CAPN11: variants seen among roughly 807,000 people sequenced by gnomAD.
The protein encoded by CAPN11 is calpain 11, also known as calpain-11.
In CAPN11, 108 loss-of-function variants were observed where a neutral mutation model predicts 105.3. That is an observed-to-expected ratio of 1.03 (90% CI 0.88 to 1.20). The LOEUF (loss-of-function observed/expected upper bound fraction) is 1.20. Ranked by LOEUF, CAPN11 falls within the 50% of genes most tolerant of loss-of-function variation. The pLI, the probability that CAPN11 is intolerant of heterozygous loss-of-function variation, is 0.00. For missense variants in CAPN11, 883 were observed against 924.8 expected, an observed-to-expected ratio of 0.95 and a Z score of 0.59; for synonymous variants, 329 against 344.5, an observed-to-expected ratio of 0.96 and a Z score of 0.50.
rs371708748 is a variant in CAPN11, at chr6:44,172,920, T to C, written c.529-20T>C. 8.1e-6 allele frequency: 13 copies of C among 1,610,924 alleles called. No homozygotes were observed. The highest frequency in any genetic ancestry group is 7.7e-5 in the South Asian group (7 of 90,514). ...GATGATAGGGTTCCCACGCAAGGGG[T>C]GTGTGTTTGCTACCCACAGATTTGG... On this transcript the variant is annotated intron_variant, in intron 5 of 22. Coordinates refer to ENST00000398776, the MANE Select transcript of CAPN11 (RefSeq NM_007058.4).
chr6:44,171,195 C>A (rs922984573), intron 4 of CAPN11, among the ~76,000 whole-genome samples: 1 of 152,214 alleles, frequency 6.6e-6, no homozygotes, highest in Non-Finnish European at 1.5e-5. Flanking sequence ...TCAACCTCAG[C>A]CTGGCGTAGG....
intron 1 of CAPN11, among the ~76,000 whole-genome samples, chr6:44,165,508 T>C (rs1241857720): frequency 6.6e-5 from 10 of 152,070 alleles, no homozygotes; most frequent in Non-Finnish European, 1.5e-4. Context: ...TCGCGGGCTG[T>C]GTGGAGGAGG....
At chr6:44,173,535 A>G (rs985770621) in intron 7 of CAPN11, 149 bp downstream of exon 7, 4 of 590,236 alleles carry the variant, frequency 6.8e-6, no homozygotes, top group East Asian at 5.7e-5. Flanking sequence ...CTCCCCGTCT[A>G]AAGTCGCCGT....
rs1440038669 is a variant in CAPN11, at chr6:44,176,839, A to C, written c.1078A>C (p.Met360Leu). ...GGCTCCACCCCCACCCCACCACAGGATGTCCTACCAAGATTTCCTGAACAA... is the reference window on the plus strand; with the variant it reads ...GGCTCCACCCCCACCCCACCACAGGCTGTCCTACCAAGATTTCCTGAACAA... Reference protein sequence around the residue: ...LHKTEDGEFWMSYQDFLNNFT... With the variant: ...LHKTEDGEFWLSYQDFLNNFT... Residue 360 changes from methionine to leucine, a missense_variant and splice_region_variant, in exon 11 of 23, where the codon ATG becomes CTG. Transcript: ENST00000398776. 4 of 1,613,772 alleles carry C rather than the reference A, an allele frequency of 2.5e-6. No homozygotes were observed. Among genetic ancestry groups the C allele is most frequent in the Non-Finnish European group, 3.4e-6 (4 of 1,179,800 alleles).
chr6:44,180,434 C>T (rs761391868), intron 14 of CAPN11, 26 bp from the exon 15 acceptor site: 1 of 1,612,222 alleles, frequency 6.2e-7, no homozygotes, highest in South Asian at 1.1e-5. Flanking sequence ...CCTGGTAACT[C>T]TTGAGCTTTC....
intron 1 of CAPN11, among the ~76,000 whole-genome samples, chr6:44,165,118 G>T (rs1769578508): frequency 6.6e-6 from 1 of 152,046 alleles, no homozygotes; most frequent in African/African-American, 2.4e-5. Context: ...TGAACTCCTA[G>T]CCTTAAGTGA....
intron 1 of CAPN11, among the ~76,000 whole-genome samples, chr6:44,162,821 C>T (rs1769145843): frequency 6.6e-6 from 1 of 152,116 alleles, no homozygotes; most frequent in Admixed American, 6.5e-5. Context: ...ACTTTGACCC[C>T]TCAGTACCAG....
intron 9 of CAPN11, 60 bp downstream of exon 9, chr6:44,176,398 G>C: frequency 6.8e-7 from 1 of 1,474,294 alleles, no homozygotes; most frequent in East Asian, 2.3e-5. Flanking sequence ...GTGCCAGGTG[G>C]ACCGACTGGT....
rs77202105 is a variant in CAPN11, at chr6:44,184,203, T to C, written c.*271T>C. 2.1e-4 allele frequency: 111 copies of C among 534,808 alleles called. No homozygotes were observed. In the East Asian group the frequency reaches 3.3e-3, roughly 16 times the overall value. 33.1% of individuals were successfully genotyped at this position (534,808 alleles called of 1,614,324 possible). A position where few individuals can be genotyped will look rare whatever the true frequency, so the allele number is the denominator to read the frequency against. The stretch of plus-strand genomic sequence containing the variant: ...ACCATCGCTCTCTCAGAGTATATTT[T>C]ACTAAAGAGTAGTTGATGCTTCCCC... On this transcript the variant is annotated 3_prime_UTR_variant, in exon 23 of 23. Transcript: ENST00000398776.
At position 44,184,194 on chromosome 6, in the gene CAPN11, A is replaced by G. The variant is rs1262079223; in HGVS notation, c.*262A>G. On this transcript the variant is annotated 3_prime_UTR_variant, in exon 23 of 23. Coordinates refer to ENST00000398776, the MANE Select transcript of CAPN11 (RefSeq NM_007058.4). ...CTTTCCCCCACCATCGCTCTCTCAGAGTATATTTTACTAAAGAGTAGTTGA... is the reference window on the plus strand; with the variant it reads ...CTTTCCCCCACCATCGCTCTCTCAGGGTATATTTTACTAAAGAGTAGTTGA... 1 of 560,460 alleles carries G rather than the reference A, an allele frequency of 1.8e-6. No individual in the cohort carries two copies. The highest frequency in any genetic ancestry group is 3.1e-5 in the Admixed American group (1 of 32,644). The allele number at this position is 560,460 out of a possible 1,614,324, so 34.7% of individuals were successfully genotyped here.
intron 8 of CAPN11, 25 bp from the exon 9 acceptor site, chr6:44,176,228 C>T (rs745583500): frequency 4.3e-6 from 7 of 1,612,060 alleles, no homozygotes; most frequent in African/African-American, 1.3e-5. Context: ...ATAACTCTGA[C>T]CTTTAACCAC....
At chr6:44,169,819 A>AGAT in intron 3 of CAPN11, 87 bp from the exon 4 acceptor site, 1 of 1,067,070 alleles carries the variant, frequency 9.4e-7, no homozygotes, top group South Asian at 1.4e-5. Flanking sequence ...TGGAACTTCA[A>AGAT]GGTGGGCATC....
At chr6:44,169,602 G>A in intron 3 of CAPN11, 71 bp downstream of exon 3, 1 of 1,425,466 alleles carries the variant, frequency 7.0e-7, no homozygotes, top group South Asian at 1.5e-5. Flanking sequence ...ATCACTTTTA[G>A]AATCTTCAAT....
rs1212685698 is a variant in CAPN11, at chr6:44,182,948, T to G, written c.1946T>G (p.Phe649Cys). 6.2e-7 allele frequency: 1 copy of G among 1,606,178 alleles called. No individual in the cohort carries two copies. The highest frequency in any genetic ancestry group is 1.3e-5 in the African/African-American group (1 of 74,784). The part of the protein sequence containing the change: ...WKKLKKWMDI[F>C]RECDQDHSGT... ...ATCTGTCTGTCTCTTCAGGACATCT[T>G]CAGAGAGTGTGACCAGGACCATTCA... The change falls in exon 20 of 23, where the codon TTC becomes TGC. Residue 649 changes from phenylalanine (F) to cysteine (C), a missense_variant. By Grantham distance (205) the Phe-to-Cys change is radical. Coordinates refer to ENST00000398776, the MANE Select transcript of CAPN11 (RefSeq NM_007058.4).
chr6:44,159,698 T>C (rs1582849052), intron 1 of CAPN11, among the ~76,000 whole-genome samples: 2 of 151,758 alleles, frequency 1.3e-5, no homozygotes, highest in African/African-American at 2.4e-5. Context: ...CAAAATATAA[T>C]TTATTTATTT....
chr6:44,162,656 A>C (rs1173099294), intron 1 of CAPN11, among the ~76,000 whole-genome samples: 3 of 151,944 alleles, frequency 2.0e-5, no homozygotes, highest in African/African-American at 7.3e-5. Context: ...GGAAAGGGGG[A>C]TAGTCATTCC....
chr6:44,180,947 A>T lies in CAPN11; in HGVS notation c.1819A>T (p.Thr607Ser). The change falls in exon 18 of 23, where the codon ACC (threonine) becomes TCC (serine). Residue 607 changes from threonine (T) to serine (S), a missense_variant. Coordinates refer to ENST00000398776, the MANE Select transcript of CAPN11 (RefSeq NM_007058.4). ...RMAIKFKSFK[T>S]KGFGLDACRC... Reference sequence around the variant, plus strand: ...CTTCCTCACAGTCAAAAGCTTCAAGACCAAGGGCTTTGGCCTGGATGCTTG... The same window carrying T: ...CTTCCTCACAGTCAAAAGCTTCAAGTCCAAGGGCTTTGGCCTGGATGCTTG... 6.2e-7 allele frequency: 1 copy of T among 1,613,452 alleles called. No homozygotes were observed. The highest frequency in any genetic ancestry group is 8.5e-7 in the Non-Finnish European group (1 of 1,179,688).
intron 1 of CAPN11, among the ~76,000 whole-genome samples, chr6:44,160,247 G>C (rs997004413): frequency 3.9e-5 from 6 of 152,176 alleles, no homozygotes; most frequent in Admixed American, 1.3e-4. Flanking sequence ...ATTCCACAGT[G>C]AATACATATT....
rs1768174171 is a variant in CAPN11 at position 44,158,878 on chromosome 6, G to C, written c.16+14G>C. 1 of 1,551,020 alleles carries C rather than the reference G, an allele frequency of 6.4e-7. No individual in the cohort carries two copies. Among genetic ancestry groups the C allele is most frequent in the Non-Finnish European group, 8.7e-7 (1 of 1,146,512 alleles). On this transcript the variant is annotated intron_variant, in intron 1 of 22. Transcript: ENST00000398776. ...TGTACTCCCCAGGTAGGCACTCATG[G>C]GGCCTTGCCCCACTCCTGTACCTCC...
Sources: gnomAD v4.1 joint callset for allele counts (sites outside exome capture counted in the v4.1 genomes callset) on GRCh38, gnomAD v4.1.1 for gene constraint, MANE v1.5 for transcripts, NCBI Gene and HGNC (gene_info 2026-07-23, HGNC 2026-07-21) for gene names.